Variants in PUDP observed in about 807,000 individuals in gnomAD.
PUDP encodes pseudouridine-5'-phosphatase.
In PUDP, 8 loss-of-function variants were observed where a neutral mutation model predicts 9.4. The ratio of observed to expected loss-of-function variants is 0.85; its 90% CI spans 0.50 to 1.53. The LOEUF (loss-of-function observed/expected upper bound fraction) is 1.53, where lower values mean the gene tolerates loss of function less well. Ranked by LOEUF, PUDP falls within the 40% of genes most tolerant of loss-of-function variation. The probability of loss-of-function intolerance (pLI) is 0.00; values close to 1 mark genes in which losing one functional copy is unlikely to be tolerated. For synonymous variants in PUDP, 99 were observed against 80.7 expected (o/e 1.23, Z -1.22); for missense variants, 188 against 189.7 (o/e 0.99, Z 0.05).
chrX:7,047,477 G>A (rs1423117660), downstream of PUDP, among the ~76,000 whole-genome samples: 1 of 111,933 alleles, frequency 8.9e-6, no homozygotes, highest in Non-Finnish European at 1.9e-5. Context: ...ATCTATTCAA[G>A]AGACTCATAA....
intron 3 of PUDP, among the ~76,000 whole-genome samples, chrX:7,055,060 C>A (rs1391128906): frequency 9.0e-6 from 1 of 111,106 alleles, no homozygotes; most frequent in Non-Finnish European, 1.9e-5. Flanking sequence ...TGGTGCTAGG[C>A]CCAGATGGCA....
At chrX:6,887,987 G>C in intron 3 of PUDP, among the ~76,000 whole-genome samples, 1 of 111,676 alleles carries the variant, frequency 9.0e-6, no homozygotes, top group East Asian at 2.8e-4. Context: ...CCACAGGAAC[G>C]AAGTTAGGGA....
intron 3 of PUDP, among the ~76,000 whole-genome samples, chrX:6,896,658 G>A (rs1322260446): frequency 1.3e-5 from 1 of 78,712 alleles, no homozygotes; most frequent in African/African-American, 4.9e-5. Context: ...TCCTCCTGCA[G>A]TATAACACAG....
At chrX:6,882,421 G>GA (rs1415709470) in intron 3 of PUDP, among the ~76,000 whole-genome samples, 3 of 111,488 alleles carry the variant, frequency 2.7e-5, no homozygotes, top group Non-Finnish European at 5.6e-5. Context: ...TATTGATTAA[G>GA]AAATGTAATG....
At chrX:7,081,707 G>A (rs1268261083) in intron 2 of PUDP, among the ~76,000 whole-genome samples, 3 of 113,045 alleles carry the variant, frequency 2.7e-5, no homozygotes, top group African/African-American at 6.4e-5. Context: ...CAGAGATTAC[G>A]GGACATCCGT....
At chrX:7,010,614 G>C (rs5936031) in intron 1 of PUDP, among the ~76,000 whole-genome samples, 35 of 110,384 alleles carry the variant, frequency 3.2e-4, no homozygotes, top group African/African-American at 1.1e-3. Context: ...AGTCCTTGCA[G>C]CAGTGTTTCT....
intron 3 of PUDP, among the ~76,000 whole-genome samples, chrX:6,778,504 T>C (rs980255526): frequency 1.8e-5 from 2 of 112,675 alleles, no homozygotes; most frequent in Non-Finnish European, 3.7e-5. Flanking sequence ...GCATGTCACC[T>C]GCAGCCTGGG....
intron 1 of PUDP, among the ~76,000 whole-genome samples, chrX:7,001,763 C>G (rs749621243): frequency 4.8e-4 from 53 of 110,970 alleles, no homozygotes; most frequent in African/African-American, 1.7e-3. Flanking sequence ...TTTATACATA[C>G]GGAAAAAAGG....
At chrX:6,756,720 A>C (rs1037540463) in intron 3 of PUDP, among the ~76,000 whole-genome samples, 1 of 112,666 alleles carries the variant, frequency 8.9e-6, no homozygotes, top group African/African-American at 3.2e-5. Flanking sequence ...CCTTTAAAAA[A>C]TGATTTTGTT....
At chrX:6,920,987 G>A (rs1018272958) in intron 3 of PUDP, among the ~76,000 whole-genome samples, 8 of 110,883 alleles carry the variant, frequency 7.2e-5, no homozygotes, top group African/African-American at 9.8e-5. Flanking sequence ...ATACCCCATG[G>A]ACCACTGGGC....
chrX:6,934,114 T>G, intron 3 of PUDP, among the ~76,000 whole-genome samples: 1 of 101,933 alleles, frequency 9.8e-6, no homozygotes, highest in Non-Finnish European at 2.0e-5. Context: ...AACGTTCAGA[T>G]TCAGGAAATA....
At chrX:6,914,505 C>T (rs748570509) in intron 3 of PUDP, among the ~76,000 whole-genome samples, 16 of 111,922 alleles carry the variant, frequency 1.4e-4, no homozygotes, top group Non-Finnish European at 2.8e-4. Flanking sequence ...TGTAGAACAT[C>T]ATGCACATCT....
chrX:6,752,372 G>C (rs747394268), intron 3 of PUDP, among the ~76,000 whole-genome samples: 8 of 111,361 alleles, frequency 7.2e-5, no homozygotes, highest in African/African-American at 2.0e-4. Context: ...CAGATTCTAT[G>C]TCCTATGGAA....
At chrX:6,714,367 GGATA>G (rs59487829) in intron 1 of PUDP, among the ~76,000 whole-genome samples, 16,787 of 111,147 alleles carry the variant, frequency 0.15, 1,976 homozygotes, top group African/African-American at 0.4. Context: ...GGTGATGAGT[GGATA>G]GATAGACAGC....
chrX:6,712,684 T>C (rs1924547290), intron 1 of PUDP, among the ~76,000 whole-genome samples: 1 of 111,361 alleles, frequency 9.0e-6, no homozygotes, highest in South Asian at 3.8e-4. Context: ...GGATCAGGAC[T>C]CCAAAACTCA....
intron 3 of PUDP, among the ~76,000 whole-genome samples, chrX:6,899,673 A>AGATGATGATGAT (rs72211121): frequency 1.2e-4 from 13 of 105,317 alleles, no homozygotes; most frequent in African/African-American, 3.8e-4. Flanking sequence ...TCTGTGATAG[A>AGATGATGATGAT]GATGATGATG....
chrX:7,113,666 A>G (rs1932113080), intron 1 of PUDP, among the ~76,000 whole-genome samples: 1 of 112,571 alleles, frequency 8.9e-6, no homozygotes, highest in Non-Finnish European at 1.9e-5. Flanking sequence ...TTGACAGTAC[A>G]TAGTAGCTAA....
intron 3 of PUDP, among the ~76,000 whole-genome samples, chrX:6,737,381 G>A (rs1213908222): frequency 8.9e-6 from 1 of 112,046 alleles, no homozygotes; most frequent in Non-Finnish European, 1.9e-5. Flanking sequence ...AGTGCTTGGG[G>A]TAGGGAGTTG....
At chrX:6,820,591 G>C (rs769384729) in intron 3 of PUDP, among the ~76,000 whole-genome samples, 16 of 111,566 alleles carry the variant, frequency 1.4e-4, no homozygotes, top group African/African-American at 5.2e-4. Flanking sequence ...CCAAAGCAAA[G>C]GGGTTATAGG....
Sources: allele counts gnomAD v4.1 joint callset (sites outside exome capture counted in the v4.1 genomes callset), GRCh38; gene constraint gnomAD v4.1.1; transcripts MANE v1.5; gene names NCBI Gene and HGNC (gene_info 2026-07-23, HGNC 2026-07-21).